The following ITGBL1 variants were observed in gnomAD, a reference collection of about 807,000 sequenced individuals.
The protein encoded by ITGBL1 is integrin subunit beta like 1.
A neutral mutation model predicts 68.5 loss-of-function variants in ITGBL1; 51 were observed. The observed-to-expected ratio is 0.74, with a 90% CI of 0.59 to 0.94. The LOEUF (loss-of-function observed/expected upper bound fraction) is 0.94. Among genes scored for constraint, ITGBL1 ranks in the 40% least tolerant of loss-of-function variants. The pLI is 0.00. For synonymous variants in ITGBL1, 209 were observed against 227.3 expected, an observed-to-expected ratio of 0.92 and a Z score of 0.72; for missense variants, 649 against 647.4, an observed-to-expected ratio of 1.00 and a Z score of -0.03.
intron 7 of ITGBL1, among the ~76,000 whole-genome samples, chr13:101,617,954 C>A (rs1298377034): frequency 6.6e-6 from 1 of 152,072 alleles, no homozygotes; most frequent in African/African-American, 2.4e-5. Context: ...GGGCTTAGAA[C>A]AATTTTTTTC....
At chr13:101,681,097 C>G (rs994593961) in intron 7 of ITGBL1, among the ~76,000 whole-genome samples, 2 of 152,108 alleles carry the variant, frequency 1.3e-5, no homozygotes, top group African/African-American at 4.8e-5. Flanking sequence ...AGTTGATAGT[C>G]AAAATGTGTC....
intron 2 of ITGBL1, among the ~76,000 whole-genome samples, chr13:101,485,399 A>G (rs1182435461): frequency 6.6e-6 from 1 of 152,186 alleles, no homozygotes; most frequent in Non-Finnish European, 1.5e-5. Flanking sequence ...ACAGTTCTCA[A>G]AAAAAGATAT....
At chr13:101,552,275 T>C (rs1411433395) in intron 2 of ITGBL1, among the ~76,000 whole-genome samples, 2 of 152,196 alleles carry the variant, frequency 1.3e-5, no homozygotes, top group African/African-American at 4.8e-5. Context: ...CTGCAAAATA[T>C]TGCTTGGCTT....
chr13:101,612,743 C>A (rs187779697), intron 7 of ITGBL1, among the ~76,000 whole-genome samples: 2 of 152,196 alleles, frequency 1.3e-5, no homozygotes, highest in Admixed American at 1.3e-4. Flanking sequence ...TGTGACCACA[C>A]AAGGGTATGA....
intron 9 of ITGBL1, 27 bp from the exon 10 acceptor site, chr13:101,714,411 G>A (rs1346204160): frequency 8.0e-7 from 1 of 1,256,934 alleles, no homozygotes; most frequent in East Asian, 2.3e-5. Context: ...ATAAGGTGAT[G>A]GTGAGTAATA....
At chr13:101,714,219 T>C (rs1450900599) in intron 9 of ITGBL1, 2 of 524,078 alleles carry the variant, frequency 3.8e-6, no homozygotes, top group African/African-American at 3.8e-5. Flanking sequence ...TGTTCAAGGC[T>C]AATTGCAACT....
At chr13:101,533,672 TATG>T (rs2049520764) in intron 2 of ITGBL1, among the ~76,000 whole-genome samples, 1 of 152,238 alleles carries the variant, frequency 6.6e-6, no homozygotes, top group Non-Finnish European at 1.5e-5. Flanking sequence ...ACTCATTTGG[TATG>T]ATATTAAACT....
chr13:101,562,364 A>T (rs890615549), intron 2 of ITGBL1, among the ~76,000 whole-genome samples: 12 of 152,040 alleles, frequency 7.9e-5, no homozygotes, highest in Non-Finnish European at 1.8e-4. Context: ...GTTAAATGTG[A>T]TCTCTTTAAA....
chr13:101,694,872 A>G (rs553155481), intron 8 of ITGBL1, among the ~76,000 whole-genome samples: 2 of 152,332 alleles, frequency 1.3e-5, no homozygotes, highest in South Asian at 4.1e-4. Flanking sequence ...TTCTAATAAA[A>G]GATTTTCATA....
chr13:101,624,525 G>A (rs1235423075), intron 7 of ITGBL1, among the ~76,000 whole-genome samples: 2 of 152,168 alleles, frequency 1.3e-5, no homozygotes, highest in East Asian at 3.9e-4. Context: ...CTCATGAATT[G>A]AGACCAAAAG....
intron 3 of ITGBL1, among the ~76,000 whole-genome samples, chr13:101,574,360 C>A (rs1331337533): frequency 6.6e-6 from 1 of 152,124 alleles, no homozygotes; most frequent in Non-Finnish European, 1.5e-5. Flanking sequence ...CTTAGCTATG[C>A]TTTTTCTCTT....
intron 7 of ITGBL1, among the ~76,000 whole-genome samples, chr13:101,628,234 CT>C (rs1447355381): frequency 6.6e-6 from 1 of 152,080 alleles, no homozygotes; most frequent in East Asian, 1.9e-4. Context: ...TGTTTGCCAT[CT>C]GTATGTTTTC....
chr13:101,640,789 T>C (rs1190006272), intron 7 of ITGBL1, among the ~76,000 whole-genome samples: 1 of 152,062 alleles, frequency 6.6e-6, no homozygotes, highest in East Asian at 1.9e-4. Flanking sequence ...TCTCTCCCTT[T>C]CTAGTAGTCC....
intron 2 of ITGBL1, among the ~76,000 whole-genome samples, chr13:101,481,340 C>T (rs1362246658): frequency 6.6e-6 from 1 of 151,642 alleles, no homozygotes; most frequent in African/African-American, 2.4e-5. Context: ...AGCTATTTAG[C>T]TATTTTAATA....
chr13:101,461,574 T>C (rs562388640), intron 2 of ITGBL1, among the ~76,000 whole-genome samples: 1 of 152,076 alleles, frequency 6.6e-6, no homozygotes, highest in Non-Finnish European at 1.5e-5. Flanking sequence ...TGGGTGACTG[T>C]AGTGCCAGCT....
intron 2 of ITGBL1, among the ~76,000 whole-genome samples, chr13:101,510,424 G>T (rs1235589010): frequency 6.6e-6 from 1 of 152,030 alleles, no homozygotes; most frequent in East Asian, 1.9e-4. Context: ...TGGGTATGTA[G>T]GTTGATTCCG....
intron 2 of ITGBL1, among the ~76,000 whole-genome samples, chr13:101,460,626 G>A (rs577907038): frequency 1.3e-5 from 2 of 152,296 alleles, no homozygotes; most frequent in East Asian, 3.9e-4. Context: ...TGCTGTAAAA[G>A]AATACCTGAG....
At chr13:101,645,135 A>ACTGTGTAACATGACCAAGT (rs2032517241) in intron 7 of ITGBL1, among the ~76,000 whole-genome samples, 1 of 152,172 alleles carries the variant, frequency 6.6e-6, no homozygotes, top group South Asian at 2.1e-4. Flanking sequence ...TGGTGTGACC[A>ACTGTGTAACATGACCAAGT]CTGTGTAACA....
At chr13:101,550,031 G>C (rs1424004339) in intron 2 of ITGBL1, among the ~76,000 whole-genome samples, 1 of 152,088 alleles carries the variant, frequency 6.6e-6, no homozygotes, top group Admixed American at 6.6e-5. Context: ...GTTAATAAAG[G>C]ACTGCTAGAT....
Sources: allele counts gnomAD v4.1 joint callset (sites outside exome capture counted in the v4.1 genomes callset), GRCh38; gene constraint gnomAD v4.1.1; transcripts MANE v1.5; gene names NCBI Gene and HGNC (gene_info 2026-07-23, HGNC 2026-07-21).